Variants in TULP4 observed in about 807,000 individuals in gnomAD.
TULP4 encodes TUB like protein 4, also known as tubby-related protein 4.
In TULP4, 16 loss-of-function variants were observed where a neutral mutation model predicts 129.0. The ratio of observed to expected loss-of-function variants is 0.12; its 90% CI spans 0.08 to 0.19. The LOEUF (loss-of-function observed/expected upper bound fraction) is 0.19, where lower values mean the gene tolerates loss of function less well. TULP4 is among the 10% of genes least tolerant of loss of function. The probability of loss-of-function intolerance (pLI) is 1.00; values close to 1 mark genes in which losing one functional copy is unlikely to be tolerated. For missense variants in TULP4, 1,842 were observed against 2,059.1 expected (o/e 0.89, Z 2.04); for synonymous variants, 998 against 854.0 (o/e 1.17, Z -2.94).
chr6:158,281,318 A>G (rs531983450), upstream of TULP4, among the ~76,000 whole-genome samples: 145 of 151,966 alleles, frequency 9.5e-4, no homozygotes, highest in Non-Finnish European at 1.6e-3. Flanking sequence ...GGTTCAAGCA[A>G]TTCTCCTGCC....
intron 3 of TULP4, among the ~76,000 whole-genome samples, chr6:158,439,195 C>T (rs1017371624): frequency 4.6e-5 from 7 of 151,820 alleles, no homozygotes; most frequent in East Asian, 3.9e-4. Context: ...AATAATTTAC[C>T]GATATTTGGT....
At chr6:158,415,572 G>T (rs1476642692) in intron 2 of TULP4, among the ~76,000 whole-genome samples, 3 of 150,452 alleles carry the variant, frequency 2.0e-5, no homozygotes, top group African/African-American at 7.3e-5. Flanking sequence ...ACGTTAGCCA[G>T]GATGGTCTCG....
chr6:158,419,779 A>G (rs1368515762), intron 2 of TULP4, among the ~76,000 whole-genome samples: 1 of 152,250 alleles, frequency 6.6e-6, no homozygotes, highest in East Asian at 1.9e-4. Context: ...TACCAAGAGC[A>G]TATTTTAAAT....
At chr6:158,288,506 A>ATT (rs36057113) in intron 1 of TULP4, among the ~76,000 whole-genome samples, 6 of 148,246 alleles carry the variant, frequency 4.0e-5, no homozygotes, top group East Asian at 2.0e-4. Flanking sequence ...TGAGTGTTGA[A>ATT]TTTTTTTTTT....
At chr6:158,238,220 G>A in intron 1 of TULP4, 1 of 866,664 alleles carries the variant, frequency 1.2e-6, no homozygotes, top group Non-Finnish European at 2.0e-6. Flanking sequence ...AATTTCAATT[G>A]CATTTTCTTG....
chr6:158,469,884 C>G (rs1199038051), intron 6 of TULP4, among the ~76,000 whole-genome samples: 1 of 151,996 alleles, frequency 6.6e-6, no homozygotes, highest in African/African-American at 2.4e-5. Flanking sequence ...TCCTTGCTCC[C>G]AGAGCTCCCA....
At chr6:158,444,112 C>T (rs1043567054) in intron 3 of TULP4, among the ~76,000 whole-genome samples, 24 of 149,996 alleles carry the variant, frequency 1.6e-4, no homozygotes, top group African/African-American at 5.1e-4. Context: ...CCCAGCTACT[C>T]GGGAGGCTGA....
chr6:158,252,015 G>T (rs554827917), intron 1 of TULP4, among the ~76,000 whole-genome samples: 1 of 152,364 alleles, frequency 6.6e-6, no homozygotes, highest in South Asian at 2.1e-4. Flanking sequence ...GGGTTTGGAT[G>T]GTTGGGACAA....
intron 1 of TULP4, among the ~76,000 whole-genome samples, chr6:158,376,462 AAT>A (rs1428894612): frequency 6.6e-6 from 1 of 152,142 alleles, no homozygotes. Flanking sequence ...GGGGGAGAGA[AAT>A]ATGGGAGGAA....
intron 3 of TULP4, among the ~76,000 whole-genome samples, chr6:158,446,125 C>T (rs1252879066): frequency 6.6e-6 from 1 of 152,178 alleles, no homozygotes; most frequent in East Asian, 1.9e-4. Context: ...AAGTCCTTTG[C>T]TCACATAAGC....
At chr6:158,412,503 CTTG>C (rs1343387425) in intron 1 of TULP4, among the ~76,000 whole-genome samples, 3 of 152,200 alleles carry the variant, frequency 2.0e-5, no homozygotes, top group South Asian at 2.1e-4. Flanking sequence ...CTTATAATTT[CTTG>C]TTATTTCCTC....
At chr6:158,425,854 A>G (rs1384412022) in intron 2 of TULP4, among the ~76,000 whole-genome samples, 1 of 152,142 alleles carries the variant, frequency 6.6e-6, no homozygotes, top group African/African-American at 2.4e-5. Flanking sequence ...TTGGCCTCCC[A>G]AAGTGTTGGG....
chr6:158,334,773 G>T (rs1779993983), intron 1 of TULP4, among the ~76,000 whole-genome samples: 1 of 152,180 alleles, frequency 6.6e-6, no homozygotes, highest in African/African-American at 2.4e-5. Flanking sequence ...GCCTTAAAGA[G>T]GTGATTAAGT....
chr6:158,301,396 GTT>G (rs55701914), intron 1 of TULP4, among the ~76,000 whole-genome samples: 69 of 147,032 alleles, frequency 4.7e-4, no homozygotes, highest in Admixed American at 6.8e-4. Context: ...AAATCAAACA[GTT>G]TTTTTTTTTT....
chr6:158,409,093 G>A (rs766499577), intron 1 of TULP4, among the ~76,000 whole-genome samples: 1 of 152,154 alleles, frequency 6.6e-6, no homozygotes, highest in South Asian at 2.1e-4. Flanking sequence ...GAAGATGAAC[G>A]TCCTTGGGAT....
chr6:158,462,625 G>A (rs921307075), intron 6 of TULP4, among the ~76,000 whole-genome samples: 26 of 151,678 alleles, frequency 1.7e-4, no homozygotes, highest in Non-Finnish European at 2.9e-4. Context: ...TGCCCGCCTC[G>A]GCCTCCCAAG....
At chr6:158,425,153 C>CAAAAAAAA (rs562712423) in intron 2 of TULP4, among the ~76,000 whole-genome samples, 6 of 39,802 alleles carry the variant, frequency 1.5e-4, no homozygotes, top group Admixed American at 4.8e-4. Context: ...GACACCATCT[C>CAAAAAAAA]AAAAAAAAAA....
chr6:158,404,707 T>C (rs1038493742), intron 1 of TULP4, among the ~76,000 whole-genome samples: 8 of 138,588 alleles, frequency 5.8e-5, no homozygotes, highest in African/African-American at 1.7e-4. Flanking sequence ...ATCCAGGAGG[T>C]GGAGGTTGCA....
chr6:158,354,660 A>G (rs1780602867), intron 1 of TULP4, among the ~76,000 whole-genome samples: 1 of 152,194 alleles, frequency 6.6e-6, no homozygotes, highest in African/African-American at 2.4e-5. Context: ...TAGGAGGCCA[A>G]GGCGGGAGGA....
Sources: gnomAD v4.1 joint callset for allele counts (sites outside exome capture counted in the v4.1 genomes callset) on GRCh38, gnomAD v4.1.1 for gene constraint, MANE v1.5 for transcripts, NCBI Gene and HGNC (gene_info 2026-07-23, HGNC 2026-07-21) for gene names.